The following PLCG2 variants were observed in gnomAD, a reference collection of about 807,000 sequenced individuals.
PLCG2 encodes phospholipase C gamma 2.
PLCG2 carries 69 observed loss-of-function variants against 175.6 expected under a neutral mutation model. The ratio of observed to expected loss-of-function variants is 0.39; its 90% CI spans 0.32 to 0.48. The LOEUF is 0.48. Ranked by LOEUF, PLCG2 falls within the 20% of genes least tolerant of loss-of-function variation. The pLI, the probability that PLCG2 is intolerant of heterozygous loss-of-function variation, is 0.91. For missense variants in PLCG2, 1,798 were observed against 1,650.9 expected, an observed-to-expected ratio of 1.09 and a Z score of -1.54; for synonymous variants, 827 against 624.0, an observed-to-expected ratio of 1.33 and a Z score of -4.85.
At chr16:81,905,805 G>A (rs1249255221) in intron 15 of PLCG2, among the ~76,000 whole-genome samples, 1 of 152,010 alleles carries the variant, frequency 6.6e-6, no homozygotes, top group Non-Finnish European at 1.5e-5. Context: ...GACCACACGT[G>A]CGCACCACCA....
chr16:81,851,219 A>G (rs1597354385), intron 2 of PLCG2, among the ~76,000 whole-genome samples: 1 of 152,236 alleles, frequency 6.6e-6, no homozygotes, highest in East Asian at 1.9e-4. Context: ...CCTGGCAAAA[A>G]TAGTACAGTT....
chr16:81,905,267 GA>G, intron 14 of PLCG2, 135 bp from the exon 15 acceptor site: 4 of 661,800 alleles, frequency 6.0e-6, no homozygotes. Flanking sequence ...GAGCTGAACA[GA>G]CTAAGAGGGA....
chr16:81,938,172 C>T (rs1283359101), intron 28 of PLCG2, among the ~76,000 whole-genome samples: 1 of 152,136 alleles, frequency 6.6e-6, no homozygotes, highest in East Asian at 1.9e-4. Context: ...TTTCTGGGGT[C>T]CTGGTGAGGT....
At chr16:81,763,387 G>A (rs1910079798) in intron 2 of PLCG2, among the ~76,000 whole-genome samples, 1 of 152,266 alleles carries the variant, frequency 6.6e-6, no homozygotes, top group African/African-American at 2.4e-5. Context: ...TGGCTGGGAA[G>A]TTCCAGCTCT....
chr16:81,916,935 G>T lies in PLCG2; in HGVS notation c.2055-2549G>T, dbSNP rs146630092. Among the ~76,000 whole-genome samples the T allele has an allele frequency of 5.6e-4, 86 of 152,226 alleles. 1 individual carries two copies. The East Asian group carries it at 0.016, about 28-fold the overall frequency. Reference sequence around the variant, plus strand: ...TTACAGGTGTGAGCCACCACGCCCGGCCAGGACTTTGTTATTGACTATAGT... The same window carrying T: ...TTACAGGTGTGAGCCACCACGCCCGTCCAGGACTTTGTTATTGACTATAGT... On this transcript the variant is annotated intron_variant, in intron 19 of 32. Transcript: ENST00000564138.
At chr16:81,787,328 C>T (rs1037191488) in intron 2 of PLCG2, among the ~76,000 whole-genome samples, 4 of 151,566 alleles carry the variant, frequency 2.6e-5, no homozygotes, top group South Asian at 2.1e-4. Context: ...CTCAAGTGAT[C>T]TTCCTGCCTC....
intron 1 of PLCG2, among the ~76,000 whole-genome samples, chr16:81,781,375 T>A (rs565095339): frequency 1.5e-5 from 2 of 129,400 alleles, no homozygotes; most frequent in Non-Finnish European, 3.4e-5. Flanking sequence ...CCATTATTTA[T>A]CCAGGAGGCC....
intron 5 of PLCG2, among the ~76,000 whole-genome samples, chr16:81,866,741 C>T (rs1211211711): frequency 6.6e-6 from 1 of 151,978 alleles, no homozygotes; most frequent in Non-Finnish European, 1.5e-5. Context: ...GGACACTGGC[C>T]TCTCCCTTGC....
chr16:81,834,027 G>A (rs556592992), intron 2 of PLCG2, among the ~76,000 whole-genome samples: 14 of 152,286 alleles, frequency 9.2e-5, no homozygotes, highest in African/African-American at 2.6e-4. Flanking sequence ...TGGAACGTGG[G>A]AATGGGGACA....
chr16:81,857,569 C>A (rs545313919), intron 3 of PLCG2, among the ~76,000 whole-genome samples: 9 of 152,192 alleles, frequency 5.9e-5, no homozygotes, highest in South Asian at 2.1e-4. Context: ...CAGACAGCTG[C>A]CTTCTTGCCA....
In PLCG2 at chr16:81,942,920, T is replaced by TA. The variant is rs200466053; in HGVS notation, c.3481+2861_3481+2862insA. 3.7e-3 allele frequency among the ~76,000 whole-genome samples: 382 copies of TA among 104,234 alleles called. 2 individuals are homozygous for TA. Among genetic ancestry groups the TA allele is most frequent in the Middle Eastern group, 0.018 (4 of 222 alleles). The allele number at this position is 104,234 out of a possible 152,430, so 68.4% of individuals were successfully genotyped here. On this transcript the variant is annotated intron_variant, in intron 30 of 32. Coordinates refer to ENST00000564138, the MANE Select transcript of PLCG2 (RefSeq NM_002661.5). ...AAACAAGAAGAAGAAAAACAATTATTTTTTTTTTTTTTATACAAGGAGGGC... is the reference window on the plus strand; with the variant it reads ...AAACAAGAAGAAGAAAAACAATTATTATTTTTTTTTTTTATACAAGGAGGGC...
In PLCG2 at chr16:81,854,346, G is replaced by C; in HGVS notation, c.194-98G>C. The C allele has an allele frequency of 7.4e-6, 8 of 1,085,900 alleles. No individual in the cohort carries two copies. The South Asian group carries it at 9.6e-5, about 13-fold the overall frequency. The allele number at this position is 1,085,900 out of a possible 1,614,324, so 67.3% of individuals were successfully genotyped here. A position where few individuals can be genotyped will look rare whatever the true frequency, so the allele number is the denominator to read the frequency against. ...AGCTTTGCGGGATCCTGTTGGGGAA[G>C]GAAGGAGCCAGGCTGTGCCTGGGCT... On this transcript the variant is annotated intron_variant, in intron 2 of 32. Coordinates refer to ENST00000564138, the MANE Select transcript of PLCG2 (RefSeq NM_002661.5).
At chr16:81,809,991 CT>C (rs983379664) in intron 2 of PLCG2, among the ~76,000 whole-genome samples, 8 of 148,588 alleles carry the variant, frequency 5.4e-5, no homozygotes, top group East Asian at 2.0e-4. Flanking sequence ...TGGTTCTCTC[CT>C]TTTTTTTTTC....
intron 7 of PLCG2, among the ~76,000 whole-genome samples, chr16:81,873,177 G>T (rs536888464): frequency 6.6e-6 from 1 of 152,294 alleles, no homozygotes; most frequent in East Asian, 1.9e-4. Context: ...ACCTCTAACT[G>T]ACCAAGTAAT....
intron 2 of PLCG2, among the ~76,000 whole-genome samples, chr16:81,773,180 GA>G (rs1003293294): frequency 6.6e-6 from 1 of 152,176 alleles, no homozygotes; most frequent in Non-Finnish European, 1.5e-5. Flanking sequence ...GGGGCGTTGG[GA>G]AAAGGTGTAC....
rs763743997 is a variant in PLCG2 at position 81,880,892 on chromosome 16, G to C, written c.649-18G>C. On this transcript the variant is annotated intron_variant, in intron 7 of 32. Coordinates refer to ENST00000564138, the MANE Select transcript of PLCG2 (RefSeq NM_002661.5). ...ACTTGTCTAAGGTTCTTTTTTTTGT[G>C]TGTGCTTTCCATTTCAGATTCTCGA... The C allele has an allele frequency of 6.2e-7, 1 of 1,611,152 alleles. No individual in the cohort carries two copies. The highest frequency in any genetic ancestry group is 1.3e-5 in the African/African-American group (1 of 74,762).
At chr16:81,885,775 A>G (rs1297514874) in intron 9 of PLCG2, among the ~76,000 whole-genome samples, 1 of 152,214 alleles carries the variant, frequency 6.6e-6, no homozygotes, top group Non-Finnish European at 1.5e-5. Flanking sequence ...GCACAAGGCC[A>G]TCCACACTGA....
Position 81,910,598 on chromosome 16 carries a change from C to T in PLCG2, c.1812C>T (p.Asn604=), listed in dbSNP as rs191668546. 217 of 1,614,156 alleles carry T rather than the reference C, an allele frequency of 1.3e-4. No individual in the cohort carries two copies. The East Asian group carries it at 2.9e-3, about 21-fold the overall frequency. Residue 604 remains asparagine (N), a synonymous_variant, in exon 18 of 33, where the codon AAC becomes AAT. Coordinates refer to ENST00000564138, the MANE Select transcript of PLCG2 (RefSeq NM_002661.5). ...GGTLKYYLTD[N]LTFSSIYALI... ...CCCTGAAATACTACTTGACTGACAA[C>T]CTCACCTTCAGCAGCATCTATGCCC...
At chr16:81,872,343 A>G (rs549872224) in intron 7 of PLCG2, among the ~76,000 whole-genome samples, 18 of 152,212 alleles carry the variant, frequency 1.2e-4, no homozygotes, top group Admixed American at 2.0e-4. Flanking sequence ...AAACACAAAA[A>G]CAGAGAATGC....
Sources: gnomAD v4.1 joint callset for allele counts (sites outside exome capture counted in the v4.1 genomes callset) on GRCh38, gnomAD v4.1.1 for gene constraint, MANE v1.5 for transcripts, NCBI Gene and HGNC (gene_info 2026-07-23, HGNC 2026-07-21) for gene names.